SEMA3A: variants seen among roughly 807,000 people sequenced by gnomAD.
The protein encoded by SEMA3A is semaphorin-3A.
A neutral mutation model predicts 97.9 loss-of-function variants in SEMA3A; 29 were observed. The observed-to-expected ratio is 0.30, with a 90% CI of 0.22 to 0.40. SEMA3A has a LOEUF of 0.40. Among genes scored for constraint, SEMA3A ranks in the 10% least tolerant of loss-of-function variants. SEMA3A has a pLI of 1.00. For synonymous variants in SEMA3A, 321 were observed against 323.7 expected, an observed-to-expected ratio of 0.99 and a Z score of 0.09; for missense variants, 763 against 951.3, an observed-to-expected ratio of 0.80 and a Z score of 2.60.
rs371826255 is a variant in SEMA3A, at chr7:84,262,735, T to G, written c.-83+44472A>C. Among the ~76,000 whole-genome samples, 378 of 152,332 alleles carry G rather than the reference T, an allele frequency of 2.5e-3. 1 individual carries two copies. The highest frequency in any genetic ancestry group is 8.8e-3 in the African/African-American group (368 of 41,586). ...TCAGTAGAAGCACTTAAACTTAAACTAGTTTTTATTAACCAATTCTGGGTA... is the reference window on the plus strand; with the variant it reads ...TCAGTAGAAGCACTTAAACTTAAACGAGTTTTTATTAACCAATTCTGGGTA... On this transcript the variant is annotated intron_variant, in intron 3 of 3. Transcript: ENST00000424555.
chr7:84,298,547 T>C (rs1800922184), intron 3 of SEMA3A, among the ~76,000 whole-genome samples: 1 of 152,036 alleles, frequency 6.6e-6, no homozygotes, highest in African/African-American at 2.4e-5. Context: ...CTAAGGAAAC[T>C]GGGAGATAAT....
chr7:83,993,981 A>G (rs930838177), intron 12 of SEMA3A, among the ~76,000 whole-genome samples: 3 of 126,242 alleles, frequency 2.4e-5, no homozygotes, highest in African/African-American at 6.0e-5. Flanking sequence ...GTCTTTTCAC[A>G]TAGTCCCATA....
chr7:84,009,748 G>A (rs1255509805), intron 9 of SEMA3A, among the ~76,000 whole-genome samples: 1 of 151,756 alleles, frequency 6.6e-6, no homozygotes, highest in Non-Finnish European at 1.5e-5. Context: ...AGGAAAAGGA[G>A]AAGGATGAGG....
chr7:84,111,249 G>T (rs750917313), intron 3 of SEMA3A, among the ~76,000 whole-genome samples: 25 of 152,096 alleles, frequency 1.6e-4, no homozygotes, highest in Non-Finnish European at 3.2e-4. Flanking sequence ...GATCAAGCGT[G>T]GACAACAGTA....
At chr7:84,047,753 G>A (rs73187462) in intron 5 of SEMA3A, among the ~76,000 whole-genome samples, 1 of 151,988 alleles carries the variant, frequency 6.6e-6, no homozygotes, top group Non-Finnish European at 1.5e-5. Context: ...TGGAAAATAT[G>A]CAGATAATAA....
chr7:84,313,346 A>ATG lies in SEMA3A; in HGVS notation c.-168-6056_-168-6055dup, dbSNP rs372160973. On this transcript the variant is annotated intron_variant, in intron 2 of 3. Transcript: ENST00000424555. Reference sequence around the variant, plus strand: ...ATATAATACATATATATATATGTATATGTGTGTGTGTATATATATATATAT... The same window carrying ATG: ...ATATAATACATATATATATATGTATATGTGTGTGTGTGTATATATATATATAT... Among the ~76,000 whole-genome samples, 331 of 33,176 alleles carry ATG rather than the reference A, an allele frequency of 1.0e-2. 5 individuals are homozygous for ATG. The highest frequency in any genetic ancestry group is 0.055 in the South Asian group (52 of 948). 21.8% of individuals were successfully genotyped at this position (33,176 alleles called of 152,430 possible).
chr7:84,150,551 A>G (rs911079819), intron 1 of SEMA3A, among the ~76,000 whole-genome samples: 1 of 152,190 alleles, frequency 6.6e-6, no homozygotes, highest in South Asian at 2.1e-4. Context: ...AAAACGGCGC[A>G]TCACGAGATT....
chr7:84,410,075 G>A (rs1804218742), intron 1 of SEMA3A, among the ~76,000 whole-genome samples: 1 of 151,940 alleles, frequency 6.6e-6, no homozygotes, highest in African/African-American at 2.4e-5. Flanking sequence ...CATGGAGAAA[G>A]ACAAAATTGA....
intron 3 of SEMA3A, among the ~76,000 whole-genome samples, chr7:84,243,013 T>C (rs1293148961): frequency 6.6e-6 from 1 of 152,188 alleles, no homozygotes; most frequent in African/African-American, 2.4e-5. Context: ...CGACTTGATG[T>C]GGTGAATAAG....
rs1258162197 is a variant in SEMA3A at position 84,299,301 on chromosome 7, TATATCTCC to T, written c.-83+7898_-83+7905del. On this transcript the variant is annotated intron_variant, in intron 3 of 3. Transcript: ENST00000424555. ...CCATATATATATCTATCTCCATATA[TATATCTCC>T]ATATATATATATATCTCCATATATA... Among the ~76,000 whole-genome samples, 285 of 68,528 alleles carry T rather than the reference TATATCTCC, an allele frequency of 4.2e-3. 1 individual carries two copies. The highest frequency in any genetic ancestry group is 8.3e-3 in the Non-Finnish European group (241 of 28,920). 45.0% of individuals were successfully genotyped at this position (68,528 alleles called of 152,430 possible). A position where few individuals can be genotyped will look rare whatever the true frequency, so the allele number is the denominator to read the frequency against.
intron 3 of SEMA3A, among the ~76,000 whole-genome samples, chr7:84,124,779 T>G (rs1795740430): frequency 6.6e-6 from 1 of 152,034 alleles, no homozygotes; most frequent in Admixed American, 6.6e-5. Flanking sequence ...ATGCAAAAAT[T>G]GCATCTGTAA....
chr7:84,306,948 T>G (rs1801173408), intron 3 of SEMA3A, among the ~76,000 whole-genome samples: 1 of 152,154 alleles, frequency 6.6e-6, no homozygotes, highest in Non-Finnish European at 1.5e-5. Context: ...TGGAGATTTT[T>G]TTTTTTAAAC....
intron 1 of SEMA3A, among the ~76,000 whole-genome samples, chr7:84,418,896 T>C (rs1392254296): frequency 4.0e-5 from 6 of 151,796 alleles, no homozygotes; most frequent in South Asian, 2.1e-4. Context: ...CATATATATA[T>C]ACACACATAT....
intron 5 of SEMA3A, among the ~76,000 whole-genome samples, chr7:84,057,755 A>G (rs1178689294): frequency 1.4e-5 from 2 of 145,730 alleles, no homozygotes; most frequent in African/African-American, 5.1e-5. Context: ...GAGCAAGATA[A>G]ATAAATAAAT....
chr7:84,360,275 T>TAG (rs1322230859), intron 2 of SEMA3A, among the ~76,000 whole-genome samples: 2 of 152,158 alleles, frequency 1.3e-5, no homozygotes, highest in Non-Finnish European at 2.9e-5. Context: ...TGTGGGCATT[T>TAG]AGTGCTATAA....
At chr7:84,132,638 C>G (rs1795995565) in intron 2 of SEMA3A, among the ~76,000 whole-genome samples, 1 of 132,804 alleles carries the variant, frequency 7.5e-6, no homozygotes, top group Non-Finnish European at 1.6e-5. Flanking sequence ...ATCAATATAT[C>G]TAATTTTTCT....
intron 3 of SEMA3A, among the ~76,000 whole-genome samples, chr7:84,237,679 T>C (rs1054191139): frequency 6.6e-6 from 1 of 152,176 alleles, no homozygotes; most frequent in Non-Finnish European, 1.5e-5. Flanking sequence ...CAGCAAAGGG[T>C]GATTCATGAA....
intron 4 of SEMA3A, among the ~76,000 whole-genome samples, chr7:84,091,212 G>A (rs867213699): frequency 1.6e-5 from 1 of 61,900 alleles, no homozygotes; most frequent in Non-Finnish European, 3.5e-5. Context: ...AAGAAAGAAA[G>A]AAAAGAAAAG....
intron 3 of SEMA3A, among the ~76,000 whole-genome samples, chr7:84,226,047 G>A (rs1049478667): frequency 2.0e-5 from 3 of 152,090 alleles, no homozygotes; most frequent in Admixed American, 6.6e-5. Flanking sequence ...TGCATATATG[G>A]TAGATTTTAA....
Sources: allele counts gnomAD v4.1 joint callset (sites outside exome capture counted in the v4.1 genomes callset), GRCh38; gene constraint gnomAD v4.1.1; transcripts MANE v1.5; gene names NCBI Gene and HGNC (gene_info 2026-07-23, HGNC 2026-07-21).